Variants in PTRH1 observed in about 807,000 individuals in gnomAD.
PTRH1 encodes peptidyl-tRNA hydrolase.
Under a neutral mutation model 15.7 loss-of-function variants are expected in PTRH1, and 13 were observed. That is an observed-to-expected ratio of 0.83 (90% confidence interval 0.54 to 1.31). The LOEUF (loss-of-function observed/expected upper bound fraction) is 1.31, where lower values mean the gene tolerates loss of function less well. PTRH1 is among the 40% of genes most tolerant of loss of function. PTRH1 has a pLI of 0.00. For missense variants in PTRH1, 319 were observed against 296.2 expected (o/e 1.08, Z -0.56); for synonymous variants, 139 against 136.7 (o/e 1.02, Z -0.12).
downstream of PTRH1, among the ~76,000 whole-genome samples, chr9:127,710,131 C>T (rs1309959309): frequency 1.3e-5 from 2 of 151,964 alleles, no homozygotes; most frequent in Non-Finnish European, 2.9e-5. Flanking sequence ...AAAAATTAGC[C>T]AGGTGTGGTG....
At chr9:127,709,704 G>T (rs200871397), downstream of PTRH1, 35 of 1,609,560 alleles carry the variant, frequency 2.2e-5, no homozygotes, top group South Asian at 3.7e-4. This position sits in a 1 kb window ranked among gnomAD's most constrained non-coding sequence, Gnocchi z 4.7. Flanking sequence ...GTGAGGAGGG[G>T]ACTGGCTGGT....
chr9:127,714,342 C>T (rs561739237), intron 4 of PTRH1, 37 bp downstream of exon 4: 1 of 1,614,182 alleles, frequency 6.2e-7, no homozygotes, highest in African/African-American at 1.3e-5. Flanking sequence ...ACCCCTGGCC[C>T]ACCCGACCCA....
chr9:127,712,336 A>C (rs1485429281), downstream of PTRH1: 6 of 1,613,954 alleles, frequency 3.7e-6, no homozygotes, highest in South Asian at 1.1e-5. Flanking sequence ...TCCTTCCTAC[A>C]GAACATTCTG....
Position 127,705,170 on chromosome 9 carries a change from G to C in PTRH1, c.206-10029C>G, listed in dbSNP as rs1436236171. Among the ~76,000 whole-genome samples, 1 of 152,150 alleles carries C rather than the reference G, an allele frequency of 6.6e-6. No individual in the cohort carries two copies. The highest frequency in any genetic ancestry group is 2.4e-5 in the African/African-American group (1 of 41,434). Reference sequence around the variant, plus strand: ...TCCACTGTCCTTGGCCGGTGCTGCAGTCTGCATGGCTTTGTGCACTGCCTG... The same window carrying C: ...TCCACTGTCCTTGGCCGGTGCTGCACTCTGCATGGCTTTGTGCACTGCCTG... On this transcript the variant is annotated intron_variant, in intron 1 of 2. Transcript: ENST00000335223. The surrounding 1 kb of genome is among the most constrained non-coding windows in gnomAD (Gnocchi z 4.7).
intron 1 of PTRH1, among the ~76,000 whole-genome samples, chr9:127,697,163 T>G (rs1215620304): frequency 1.3e-5 from 2 of 152,180 alleles, no homozygotes; most frequent in Non-Finnish European, 2.9e-5. Flanking sequence ...AATATTTCAA[T>G]CAATTTCAAC....
At chr9:127,707,630 G>A (rs1373871236) in intron 1 of PTRH1, among the ~76,000 whole-genome samples, 2 of 152,094 alleles carry the variant, frequency 1.3e-5, no homozygotes. Flanking sequence ...CTCCATGCTG[G>A]GCCTCAGTTT....
chr9:127,712,374 G>T (rs767938648), downstream of PTRH1: 4 of 1,612,224 alleles, frequency 2.5e-6, no homozygotes, highest in East Asian at 8.9e-5. Context: ...GAGAGGGAGG[G>T]CGCAAGGGGA....
intron 1 of PTRH1, chr9:127,706,982 G>GCAAC: frequency 6.3e-7 from 1 of 1,599,992 alleles, no homozygotes; most frequent in Non-Finnish European, 8.5e-7. Context: ...AGCTTCCTTA[G>GCAAC]CAACCACCTG....
downstream of PTRH1, chr9:127,710,587 G>A (rs750995835): frequency 1.4e-5 from 22 of 1,571,486 alleles, no homozygotes; most frequent in African/African-American, 5.4e-5. Flanking sequence ...GGCCTTGTGC[G>A]CTGTGGCGGC....
rs1369307239 is a variant in PTRH1, at chr9:127,705,660, G to A, written c.205+9775C>T. On this transcript the variant is annotated intron_variant, in intron 1 of 2. Coordinates refer to the PTRH1 transcript ENST00000335223. The surrounding 1 kb of genome is among the most constrained non-coding windows in gnomAD (Gnocchi z 4.7). ...AGGCCCCCGGTCAACTGGGAGCACTGTGGGAATTTTTGCCTGCCTAGGCTC... is the reference window on the plus strand; with the variant it reads ...AGGCCCCCGGTCAACTGGGAGCACTATGGGAATTTTTGCCTGCCTAGGCTC... Among the ~76,000 whole-genome samples, 1 of 152,262 alleles carries A rather than the reference G, an allele frequency of 6.6e-6. No individual in the cohort carries two copies.
chr9:127,712,366 G>T, downstream of PTRH1: 1 of 1,613,106 alleles, frequency 6.2e-7, no homozygotes, highest in Non-Finnish European at 8.5e-7. Flanking sequence ...AGAAGGGAGA[G>T]AGGGAGGGCG....
chr9:127,710,459 T>G, downstream of PTRH1: 2 of 938,222 alleles, frequency 2.1e-6, no homozygotes, highest in South Asian at 1.7e-5. Context: ...GCAGGGTAGG[T>G]GGGGGATGGT....
downstream of PTRH1, chr9:127,711,349 G>A (rs764802324): frequency 1.9e-6 from 3 of 1,614,206 alleles, no homozygotes; most frequent in South Asian, 1.1e-5. Context: ...GCATTACCCT[G>A]CAGATGGCCA....
chr9:127,712,913 C>T, downstream of PTRH1: 1 of 1,594,906 alleles, frequency 6.3e-7, no homozygotes, highest in East Asian at 2.3e-5. Flanking sequence ...GAGGCAGCCA[C>T]AGAGAGCAGG....
chr9:127,710,814 T>A, downstream of PTRH1: 1 of 1,531,058 alleles, frequency 6.5e-7, no homozygotes, highest in East Asian at 2.5e-5. Flanking sequence ...GCTACGAACA[T>A]CCTAGTCTTC....
chr9:127,711,411 G>A, downstream of PTRH1: 3 of 1,614,158 alleles, frequency 1.9e-6, no homozygotes, highest in Non-Finnish European at 2.5e-6. Flanking sequence ...CAGCTCAAGG[G>A]AAGACAGAAC....
chr9:127,699,018 A>G (rs1020309570), intron 1 of PTRH1, among the ~76,000 whole-genome samples: 3 of 148,100 alleles, frequency 2.0e-5, no homozygotes, highest in Non-Finnish European at 4.4e-5. Flanking sequence ...CTCCCTCCTT[A>G]GCCTCTGGAG....
chr9:127,704,919 T>TC (rs1277516764), intron 1 of PTRH1, among the ~76,000 whole-genome samples: 1 of 152,080 alleles, frequency 6.6e-6, no homozygotes. Flanking sequence ...TGGTTAATTT[T>TC]TTTTTTTTTT....
chr9:127,697,426 G>A (rs1012737926), intron 1 of PTRH1, among the ~76,000 whole-genome samples: 3 of 152,140 alleles, frequency 2.0e-5, no homozygotes, highest in African/African-American at 2.4e-5. Flanking sequence ...TTGGGAGGCC[G>A]AGGTGGGCGG....
Sources: gnomAD v4.1 joint callset for allele counts (sites outside exome capture counted in the v4.1 genomes callset) on GRCh38, gnomAD v4.1.1 for gene constraint, Gnocchi (gnomAD v3.1) non-coding constraint, MANE v1.5 for transcripts, NCBI Gene and HGNC (gene_info 2026-07-23, HGNC 2026-07-21) for gene names.